Variants in SHE observed in about 807,000 individuals in gnomAD.
SHE encodes the protein Src homology 2 domain containing E, also known as SH2 domain-containing adapter protein E.
In SHE, 11 loss-of-function variants were observed where a neutral mutation model predicts 49.8. The observed-to-expected ratio is 0.22, with a 90% CI of 0.14 to 0.37. The LOEUF (loss-of-function observed/expected upper bound fraction) is 0.37. Ranked by LOEUF, SHE falls within the 10% of genes least tolerant of loss-of-function variation. SHE has a pLI of 1.00. For synonymous variants in SHE, 310 were observed against 278.1 expected (o/e 1.11, Z -1.14); for missense variants, 624 against 655.5 (o/e 0.95, Z 0.52).
In SHE at chr1:154,483,902, G is replaced by T; in HGVS notation, c.*247C>A. ...AGTCCCACCTACTTGGGAGGCTGAT[G>T]GGGAAGAACTGCTTGAACCCAGGAG... On this transcript the variant is annotated 3_prime_UTR_variant, in exon 6 of 6. Transcript: ENST00000304760. 1 of 1,142,978 alleles carries T rather than the reference G, an allele frequency of 8.7e-7. No homozygotes were observed. The highest frequency in any genetic ancestry group is 3.2e-5 in the East Asian group (1 of 30,838). 70.8% of individuals were successfully genotyped at this position (1,142,978 alleles called of 1,614,324 possible).
Position 154,480,613 on chromosome 1 carries a change from C to T in SHE, c.*3536G>A, listed in dbSNP as rs750123200. The T allele has an allele frequency of 5.0e-5, 49 of 985,332 alleles. No homozygotes were observed. The highest frequency in any genetic ancestry group is 5.1e-5 in the Non-Finnish European group (42 of 829,940). 61.0% of individuals were successfully genotyped at this position (985,332 alleles called of 1,614,324 possible). ...ACACAAATACCAATTCTGCAAAGTA[C>T]GGAGACTTCCAACAGCAAAGAATAA... is the stretch of plus-strand genomic sequence containing the variant. On this transcript the variant is annotated 3_prime_UTR_variant, in exon 6 of 6. Coordinates refer to ENST00000304760, the MANE Select transcript of SHE (RefSeq NM_001010846.3).
At chr1:154,492,539 T>C (rs932114176) in intron 2 of SHE, among the ~76,000 whole-genome samples, 10 of 152,178 alleles carry the variant, frequency 6.6e-5, no homozygotes, top group African/African-American at 2.4e-4. Flanking sequence ...TCTGGGGTTG[T>C]CTGAGGTCAG....
At position 154,501,874 on chromosome 1, in the gene SHE, G is replaced by C. The variant is rs752776676; in HGVS notation, c.153C>G (p.Thr51=). 2.6e-6 allele frequency: 4 copies of C among 1,534,112 alleles called. No individual in the cohort carries two copies. In the South Asian group the frequency reaches 3.6e-5, roughly 14 times the overall value. Residue 51 remains threonine, a synonymous_variant, in exon 1 of 6, where the codon ACC becomes ACG. Coordinates refer to ENST00000304760, the MANE Select transcript of SHE (RefSeq NM_001010846.3). ...WFKEFPLNLK[T]VSERAKPGGG... ...CCCCGGGCTTGGCCCGCTCCGACAC[G>C]GTCTTCAGGTTCAGGGGGAACTCCT...
chr1:154,492,576 C>CT (rs1692401194), intron 2 of SHE, among the ~76,000 whole-genome samples: 2 of 152,202 alleles, frequency 1.3e-5, no homozygotes, highest in Admixed American at 6.5e-5. Flanking sequence ...TCCCTGGACT[C>CT]TCAGTCCTAC....
intron 5 of SHE, 123 bp downstream of exon 5, chr1:154,485,820 C>A: frequency 8.5e-7 from 1 of 1,182,690 alleles, no homozygotes; most frequent in Admixed American, 2.4e-5. Context: ...CAAACAAATG[C>A]CTCTTATTTT....
chr1:154,488,730 G>A (rs963209169), intron 3 of SHE, among the ~76,000 whole-genome samples: 4 of 151,922 alleles, frequency 2.6e-5, no homozygotes, highest in African/African-American at 9.7e-5. Flanking sequence ...GGGATTACAC[G>A]CGCCCAGCAC....
In SHE at chr1:154,501,734, G is replaced by A; in HGVS notation, c.293C>T (p.Pro98Leu). The change falls in exon 1 of 6, where the codon CCC becomes CTC. Residue 98 changes from proline to leucine, a missense_variant. By Grantham distance (98) the Pro-to-Leu change is moderately conservative (BLOSUM62 -3). Around this residue, in one of 4 missense-constraint regions of SHE, gnomAD observed 337 missense variants for 306.0 expected, o/e 1.10. Coordinates refer to ENST00000304760, the MANE Select transcript of SHE (RefSeq NM_001010846.3). Reference sequence around the variant, plus strand: ...GTCGCGGGACAGCCGGCTGTCCTTGGGGCCGACGCCGGCCCTGCCGCTCCC... The same window carrying A: ...GTCGCGGGACAGCCGGCTGTCCTTGAGGCCGACGCCGGCCCTGCCGCTCCC... ...ELGSGRAGVG[P>L]KDSRLSRDSL... is the part of the protein sequence containing the mutation. The A allele has an allele frequency of 6.3e-7, 1 of 1,586,230 alleles. No homozygotes were observed. Among genetic ancestry groups the A allele is most frequent in the South Asian group, 1.1e-5 (1 of 88,978 alleles).
intron 5 of SHE, chr1:154,484,619 T>C (rs573369101): frequency 6.3e-6 from 2 of 317,020 alleles, no homozygotes; most frequent in South Asian, 6.4e-5. Context: ...AGCTCTCAAA[T>C]TGCAAAACCA....
rs948107640 is a variant in SHE at position 154,502,087 on chromosome 1, C to T, written c.-61G>A. The T allele has an allele frequency of 1.0e-4, 125 of 1,202,070 alleles. No homozygotes were observed. Among genetic ancestry groups the T allele is most frequent in the Non-Finnish European group, 1.3e-4 (122 of 963,584 alleles). The allele number at this position is 1,202,070 out of a possible 1,614,324, so 74.5% of individuals were successfully genotyped here. ...CCCCGCGACGGCTGCTCCGTGCGCC[C>T]CCGGCCGGCCGTCGCCCACGCCCGG... On this transcript the variant is annotated 5_prime_UTR_variant, in exon 1 of 6. Coordinates refer to ENST00000304760, the MANE Select transcript of SHE (RefSeq NM_001010846.3).
intron 1 of SHE, among the ~76,000 whole-genome samples, chr1:154,501,023 A>C (rs546453213): frequency 2.0e-5 from 3 of 152,188 alleles, no homozygotes; most frequent in Non-Finnish European, 4.4e-5. Flanking sequence ...TTTGAAATGC[A>C]TATCTACACA....
chr1:154,494,506 GC>G (rs1692464859), intron 2 of SHE, among the ~76,000 whole-genome samples: 1 of 149,764 alleles, frequency 6.7e-6, no homozygotes, highest in African/African-American at 2.5e-5. Context: ...GAGCCACCGG[GC>G]CCGGCAGATG....
At chr1:154,494,374 GTTT>G (rs779645667) in intron 2 of SHE, among the ~76,000 whole-genome samples, 2 of 118,748 alleles carry the variant, frequency 1.7e-5, no homozygotes, top group Admixed American at 1.7e-4. Flanking sequence ...AGACATAACA[GTTT>G]TTTTTTTTTT....
At chr1:154,489,805 A>G (rs1310610206) in intron 2 of SHE, among the ~76,000 whole-genome samples, 3 of 152,220 alleles carry the variant, frequency 2.0e-5, no homozygotes, top group Non-Finnish European at 2.9e-5. Context: ...TCAAAAATGC[A>G]CTTAATACAT....
chr1:154,477,959 C>T (rs1186035966), downstream of SHE, among the ~76,000 whole-genome samples: 2 of 151,816 alleles, frequency 1.3e-5, no homozygotes, highest in African/African-American at 4.8e-5. Context: ...TCCCCATTTC[C>T]TCCTTCCCCA....
intron 1 of SHE, among the ~76,000 whole-genome samples, chr1:154,473,091 C>T (rs886193064): frequency 6.6e-5 from 10 of 151,910 alleles, no homozygotes; most frequent in South Asian, 4.2e-4. Flanking sequence ...CTCTGCCTCC[C>T]GGGTTCAAGC....
chr1:154,470,005 G>A lies in SHE; in HGVS notation c.*336C>T, dbSNP rs41269909. 2.1e-3 allele frequency: 620 copies of A among 291,616 alleles called. 2 individuals carry two copies. Among genetic ancestry groups the A allele is most frequent in the Non-Finnish European group, 3.1e-3 (459 of 145,884 alleles). 18.1% of individuals were successfully genotyped at this position (291,616 alleles called of 1,614,324 possible). A position where few individuals can be genotyped will look rare whatever the true frequency, so the allele number is the denominator to read the frequency against. On this transcript the variant is annotated 3_prime_UTR_variant, in exon 2 of 2. Transcript: ENST00000486773. ...AAACAGTTCAGGGATGGGGAGGCGA[G>A]AACTGCAGGGAAGCCTGGAAATTAT... is the stretch of plus-strand genomic sequence containing the variant.
At chr1:154,500,448 T>C (rs977511796) in intron 1 of SHE, among the ~76,000 whole-genome samples, 1 of 152,170 alleles carries the variant, frequency 6.6e-6, no homozygotes, top group African/African-American at 2.4e-5. Context: ...AAGTGCCCAA[T>C]GCAGACATAC....
At chr1:154,471,582 G>A (rs1036212771) in intron 1 of SHE, among the ~76,000 whole-genome samples, 5 of 151,802 alleles carry the variant, frequency 3.3e-5, no homozygotes, top group African/African-American at 9.7e-5. Flanking sequence ...AAAAAAGAAA[G>A]AAACAAGCAA....
At chr1:154,485,073 A>G (rs567485527) in intron 5 of SHE, 3 of 152,150 alleles carry the variant, frequency 2.0e-5, no homozygotes, top group African/African-American at 7.2e-5. Flanking sequence ...CAAAAAGAAC[A>G]CATAAATAAT....
Sources: allele counts gnomAD v4.1 joint callset (sites outside exome capture counted in the v4.1 genomes callset), GRCh38; gene constraint gnomAD v4.1.1; regional missense constraint gnomAD v4.1.1; transcripts MANE v1.5; gene names NCBI Gene and HGNC (gene_info 2026-07-23, HGNC 2026-07-21).